SLC30A3: variants seen among roughly 807,000 people sequenced by gnomAD.
SLC30A3 encodes probable proton-coupled zinc antiporter SLC30A3.
Under a neutral mutation model 35.6 loss-of-function variants are expected in SLC30A3, and 20 were observed. The ratio of observed to expected loss-of-function variants is 0.56; its 90% CI spans 0.39 to 0.82. The LOEUF (loss-of-function observed/expected upper bound fraction) is 0.82, where lower values mean the gene tolerates loss of function less well. Among genes scored for constraint, SLC30A3 ranks in the 40% least tolerant of loss-of-function variants. The pLI, the probability that SLC30A3 is intolerant of heterozygous loss-of-function variation, is 0.00. For missense variants in SLC30A3, 401 were observed against 530.6 expected (o/e 0.76, Z 2.40); for synonymous variants, 217 against 224.7 (o/e 0.97, Z 0.31).
Position 27,254,105 on chromosome 2 carries a change from C to G in SLC30A3, c.*1207G>C, listed in dbSNP as rs1037266062. On this transcript the variant is annotated 3_prime_UTR_variant, in exon 8 of 8. Coordinates refer to ENST00000233535, the MANE Select transcript of SLC30A3 (RefSeq NM_003459.5). The stretch of plus-strand genomic sequence containing the variant: ...GGTCCTTGGTGTTCACAGCCTAAAC[C>G]TGGACTCAGGGTTGGCTGCTATCAG... 1.3e-5 allele frequency: 2 copies of G among 152,228 alleles called. No homozygotes were observed. The highest frequency in any genetic ancestry group is 4.8e-5 in the African/African-American group (2 of 41,428). The allele number at this position is 152,228 out of a possible 1,614,324, so 9.4% of individuals were successfully genotyped here.
rs1269187504 is a variant in SLC30A3, at chr2:27,262,539, G to T, written c.95+273C>A. Among the ~76,000 whole-genome samples, 1 of 152,110 alleles carries T rather than the reference G, an allele frequency of 6.6e-6. No individual in the cohort carries two copies. The highest frequency in any genetic ancestry group is 1.5e-5 in the Non-Finnish European group (1 of 68,004). On this transcript the variant is annotated intron_variant, in intron 1 of 7. Coordinates refer to ENST00000233535, the MANE Select transcript of SLC30A3 (RefSeq NM_003459.5). The surrounding 1 kb of genome is among the most constrained non-coding windows in gnomAD (Gnocchi z 7.5). ...CCCAGGGAAGGCAGGCGCCGCGGGG[G>T]TGGCGGAGGGGTCCGGCGGCCTGGG...
chr2:27,264,084 T>C (rs910843939), upstream of SLC30A3: 2 of 1,287,072 alleles, frequency 1.6e-6, no homozygotes, highest in Admixed American at 2.3e-5. This position sits in a 1 kb window ranked among gnomAD's most constrained non-coding sequence, Gnocchi z 6.1. Flanking sequence ...CTGCCGCCAC[T>C]GTAGAATGGG....
upstream of SLC30A3, among the ~76,000 whole-genome samples, chr2:27,263,611 A>G (rs141624451): frequency 1.6e-4 from 24 of 151,828 alleles, no homozygotes; most frequent in East Asian, 4.7e-3. Context: ...ATTTATTTTT[A>G]TACAGAAACA....
rs1172970164 is a variant in SLC30A3 at position 27,271,571 on chromosome 2, A to G, written c.-159+3606T>C. Reference sequence around the variant, plus strand: ...GAAAAATAGACTCAGAGATGAAATGATTTGTCTAAGATCACACAGCCTGTG... The same window carrying G: ...GAAAAATAGACTCAGAGATGAAATGGTTTGTCTAAGATCACACAGCCTGTG... On this transcript the variant is annotated intron_variant, in intron 1 of 5. Coordinates refer to the SLC30A3 transcript ENST00000424577. The surrounding 1 kb of genome is among the most constrained non-coding windows in gnomAD (Gnocchi z 4.3). Among the ~76,000 whole-genome samples, 1 of 152,232 alleles carries G rather than the reference A, an allele frequency of 6.6e-6. No individual in the cohort carries two copies.
At chr2:27,264,306 T>C (rs980116780), upstream of SLC30A3, among the ~76,000 whole-genome samples, 1 of 152,156 alleles carries the variant, frequency 6.6e-6, no homozygotes, top group African/African-American at 2.4e-5. The surrounding 1 kb of genome is among the most constrained non-coding windows in gnomAD (Gnocchi z 6.1). Context: ...ACCCTCGATA[T>C]TGTTATTCCA....
intron 1 of SLC30A3, among the ~76,000 whole-genome samples, chr2:27,259,857 G>A (rs548785370): frequency 1.3e-5 from 2 of 152,254 alleles, no homozygotes; most frequent in Admixed American, 1.3e-4. Context: ...CAATGATATA[G>A]AGCGAAGGTG....
In SLC30A3 at chr2:27,258,882, T is replaced by C. The variant is rs779987301; in HGVS notation, c.148A>G (p.Met50Val). The C allele has an allele frequency of 2.9e-5, 47 of 1,613,570 alleles. No individual in the cohort carries two copies. The highest frequency in any genetic ancestry group is 4.2e-6 in the Non-Finnish European group (5 of 1,179,858). The change falls in exon 2 of 8, where the codon ATG becomes GTG. Residue 50 changes from methionine (M) to valine (V), a missense_variant. Met to Val is a conservative substitution (Grantham distance 21, BLOSUM62 1). Around this residue, in one of 3 missense-constraint regions of SLC30A3, gnomAD observed 103 missense variants for 120.7 expected, o/e 0.85. Coordinates refer to ENST00000233535, the MANE Select transcript of SLC30A3 (RefSeq NM_003459.5). This position sits in a 1 kb window ranked among gnomAD's most constrained non-coding sequence, Gnocchi z 4.0. ...TCCCTGTGGCAGTGGTGGAAGGGCA[T>C]CTCCACAGGTTTGGACTCCTCAGGG... ...PLPEESKPVE[M>V]PFHHCHRDPL...
upstream of SLC30A3, among the ~76,000 whole-genome samples, chr2:27,266,274 T>C (rs926269738): frequency 1.3e-5 from 2 of 152,190 alleles, no homozygotes; most frequent in African/African-American, 4.8e-5. Flanking sequence ...ACTAAATTGT[T>C]ACTTGGGAAT....
chr2:27,258,656 C>G lies in SLC30A3; in HGVS notation c.277+97G>C. Reference sequence around the variant, plus strand: ...TCCCCTATCCCAGCCATCCCCATCTCTGCATCTGCACCCAGGAACATTCCT... The same window carrying G: ...TCCCCTATCCCAGCCATCCCCATCTGTGCATCTGCACCCAGGAACATTCCT... On this transcript the variant is annotated intron_variant, in intron 2 of 7. Transcript: ENST00000233535. This position sits in a 1 kb window ranked among gnomAD's most constrained non-coding sequence, Gnocchi z 4.0. 6 of 1,351,258 alleles carry G rather than the reference C, an allele frequency of 4.4e-6. No homozygotes were observed. Among genetic ancestry groups the G allele is most frequent in the Non-Finnish European group, 6.3e-6 (6 of 959,460 alleles). The allele number at this position is 1,351,258 out of a possible 1,614,324, so 83.7% of individuals were successfully genotyped here.
At position 27,258,027 on chromosome 2, in the gene SLC30A3, G is replaced by A. The variant is rs201138508; in HGVS notation, c.456C>T (p.Ser152=). The A allele has an allele frequency of 4.5e-5, 72 of 1,614,176 alleles. No individual in the cohort carries two copies. The Admixed American group carries it at 9.0e-4, about 20-fold the overall frequency. ...ETLGALASVV[S]LWMVTGILLY... ...GGAGGATGCCAGTGACCATCCAGAG[G>A]GAGACCACAGAGGCCAAAGCCCCCA... The change falls in exon 4 of 8, where the codon TCC becomes TCT. Residue 152 remains serine, a synonymous_variant. Transcript: ENST00000233535. The surrounding 1 kb of genome is among the most constrained non-coding windows in gnomAD (Gnocchi z 4.0).
chr2:27,263,823 G>T (rs1290429028), upstream of SLC30A3, among the ~76,000 whole-genome samples: 1 of 145,072 alleles, frequency 6.9e-6, no homozygotes, highest in African/African-American at 2.5e-5. Context: ...TCTTACGGGC[G>T]GGGGTCCAGT....
At chr2:27,263,337 A>G (rs138560709), upstream of SLC30A3, 1 of 466,632 alleles carries the variant, frequency 2.1e-6, no homozygotes, top group African/African-American at 2.0e-5. Context: ...CAAGAACCTC[A>G]CGACCAACCT....
Position 27,262,887 on chromosome 2 carries a change from G to A in SLC30A3, c.20C>T (p.Ala7Val), listed in dbSNP as rs1343149130. The change falls in exon 1 of 8, where the codon GCT (alanine) becomes GTT (valine). Residue 7 changes from alanine to valine, a missense_variant. Transcript: ENST00000233535. This position sits in a 1 kb window ranked among gnomAD's most constrained non-coding sequence, Gnocchi z 7.5. ...CAGGCGAGTGGTCTCCAAGCCCCCA[G>A]CGGCTGGAGAGGGCTCCATGTTCCC... MEPSPA[A>V]GGLETTRLVS... The A allele has an allele frequency of 3.9e-6, 6 of 1,557,822 alleles. No individual in the cohort carries two copies. Among genetic ancestry groups the A allele is most frequent in the Non-Finnish European group, 5.2e-6 (6 of 1,159,306 alleles).
At position 27,256,423 on chromosome 2, in the gene SLC30A3, C is replaced by T. The variant is rs753085081; in HGVS notation, c.981G>A (p.Thr327=). Reference sequence around the variant, plus strand: ...GTGCAGAGGCAACATGGTAAGTGAGCGTAAGGGCCCACAGGTGCAGCTCAT... The same window carrying T: ...GTGCAGAGGCAACATGGTAAGTGAGTGTAAGGGCCCACAGGTGCAGCTCAT... ...ATHELHLWAL[T]LTYHVASAHL... Residue 327 remains threonine, a synonymous_variant, in exon 7 of 8, where the codon ACG becomes ACA. Transcript: ENST00000233535. The T allele has an allele frequency of 1.1e-5, 17 of 1,613,970 alleles. No homozygotes were observed. The highest frequency in any genetic ancestry group is 1.7e-5 in the Admixed American group (1 of 59,992).
In SLC30A3 at chr2:27,255,017, TG is replaced by T; in HGVS notation, c.*294del. ...GATGTTCGTGGCTCCACATGAACCATGGGGAGATGGCACCACAGGCCTTCAA... is the reference window on the plus strand; with the variant it reads ...GATGTTCGTGGCTCCACATGAACCATGGGAGATGGCACCACAGGCCTTCAA... On this transcript the variant is annotated 3_prime_UTR_variant, in exon 8 of 8. Transcript: ENST00000233535. This position sits in a 1 kb window ranked among gnomAD's most constrained non-coding sequence, Gnocchi z 5.2. 2 of 1,269,656 alleles carry T rather than the reference TG, an allele frequency of 1.6e-6. No homozygotes were observed. Among genetic ancestry groups the T allele is most frequent in the Non-Finnish European group, 2.1e-6 (2 of 971,834 alleles). 78.6% of individuals were successfully genotyped at this position (1,269,656 alleles called of 1,614,324 possible). A position where few individuals can be genotyped will look rare whatever the true frequency, so the allele number is the denominator to read the frequency against.
At chr2:27,263,589 C>CCG (rs1466002098), upstream of SLC30A3, 1 of 279,336 alleles carries the variant, frequency 3.6e-6, no homozygotes, top group East Asian at 8.7e-5. Context: ...AATCACTGTA[C>CCG]CGCGAATGAT....
Position 27,258,834 on chromosome 2 carries a change from T to G in SLC30A3, c.196A>C (p.Thr66Pro). 3 of 1,614,102 alleles carry G rather than the reference T, an allele frequency of 1.9e-6. No individual in the cohort carries two copies. Among genetic ancestry groups the G allele is most frequent in the Non-Finnish European group, 2.5e-6 (3 of 1,179,986 alleles). ...CTCCGTGCATGCAGCCTCTCAGGGGTAAGGCCCGGCGGCGGAAGGGGGTCC... is the reference window on the plus strand; with the variant it reads ...CTCCGTGCATGCAGCCTCTCAGGGGGAAGGCCCGGCGGCGGAAGGGGGTCC... ...HRDPLPPPGL[T>P]PERLHARRQL... Residue 66 changes from threonine to proline, a missense_variant, in exon 2 of 8, where the codon ACC (threonine) becomes CCC (proline). Physicochemically the swap from Thr to Pro is conservative, Grantham distance 38. This residue lies in a region of SLC30A3 where 103 missense variants were observed against 120.7 expected (regional missense o/e 0.85). Transcript: ENST00000233535. This position sits in a 1 kb window ranked among gnomAD's most constrained non-coding sequence, Gnocchi z 4.0.
At position 27,258,665 on chromosome 2, in the gene SLC30A3, C is replaced by T. The variant is rs944123490; in HGVS notation, c.277+88G>A. The T allele has an allele frequency of 1.1e-5, 16 of 1,426,820 alleles. No individual in the cohort carries two copies. Among genetic ancestry groups the T allele is most frequent in the Non-Finnish European group, 1.3e-5 (13 of 1,022,834 alleles). The allele number at this position is 1,426,820 out of a possible 1,614,324, so 88.4% of individuals were successfully genotyped here. ...CCAGCCATCCCCATCTCTGCATCTG[C>T]ACCCAGGAACATTCCTGGGACTCTG... On this transcript the variant is annotated intron_variant, in intron 2 of 7. Coordinates refer to ENST00000233535, the MANE Select transcript of SLC30A3 (RefSeq NM_003459.5). The surrounding 1 kb of genome is among the most constrained non-coding windows in gnomAD (Gnocchi z 4.0).
At chr2:27,266,211 C>T (rs1677491389), upstream of SLC30A3, among the ~76,000 whole-genome samples, 1 of 152,144 alleles carries the variant, frequency 6.6e-6, no homozygotes. Context: ...AGGTGTGAGC[C>T]ACCATGCTGG....
Sources: allele counts gnomAD v4.1 joint callset (sites outside exome capture counted in the v4.1 genomes callset), GRCh38; gene constraint gnomAD v4.1.1; regional missense constraint gnomAD v4.1.1; non-coding constraint Gnocchi (gnomAD v3.1); transcripts MANE v1.5; gene names NCBI Gene and HGNC (gene_info 2026-07-23, HGNC 2026-07-21).